PHC2: variants seen among roughly 807,000 people sequenced by gnomAD.
The protein encoded by PHC2 is polyhomeotic-like protein 2.
A neutral mutation model predicts 87.4 loss-of-function variants in PHC2; 29 were observed. The observed-to-expected ratio is 0.33, with a 90% CI of 0.25 to 0.45. The LOEUF is 0.45. PHC2 is among the 20% of genes least tolerant of loss of function. PHC2 has a pLI of 1.00. For synonymous variants in PHC2, 438 were observed against 461.7 expected (o/e 0.95, Z 0.66); for missense variants, 857 against 1,136.7 (o/e 0.75, Z 3.54).
At position 33,395,583 on chromosome 1, in the gene PHC2, G is replaced by C. The variant is rs111943817; in HGVS notation, c.-54-19990C>G. Reference sequence around the variant, plus strand: ...ATTAAGAAAAGATGAACTGATGATGGATGGGGGATGGACAGTTGGACAGAT... The same window carrying C: ...ATTAAGAAAAGATGAACTGATGATGCATGGGGGATGGACAGTTGGACAGAT... On this transcript the variant is annotated intron_variant, in intron 1 of 14. Coordinates refer to ENST00000683057, the MANE Select transcript of PHC2 (RefSeq NM_001385109.1). Among the ~76,000 whole-genome samples, 823 of 152,290 alleles carry C rather than the reference G, an allele frequency of 5.4e-3. 12 individuals are homozygous for C. Among genetic ancestry groups the C allele is most frequent in the African/African-American group, 0.019 (789 of 41,552 alleles).
chr1:33,326,165 T>G, intron 14 of PHC2: 1 of 221,602 alleles, frequency 4.5e-6, no homozygotes, highest in Non-Finnish European at 9.4e-6. Flanking sequence ...CACAGTAAAA[T>G]AGGAGAGAGA....
In PHC2 at chr1:33,368,848, C is replaced by T. The variant is rs888677391; in HGVS notation, c.577-226G>A. On this transcript the variant is annotated intron_variant, in intron 5 of 14. Transcript: ENST00000683057. This position sits in a 1 kb window ranked among gnomAD's most constrained non-coding sequence, Gnocchi z 6.6. Reference sequence around the variant, plus strand: ...GAGCGCCTGCCTTTCTCTAGAGGCTCGTTGCATCCTGACCCAGGCTGGGTG... The same window carrying T: ...GAGCGCCTGCCTTTCTCTAGAGGCTTGTTGCATCCTGACCCAGGCTGGGTG... Among the ~76,000 whole-genome samples, 1 of 151,498 alleles carries T rather than the reference C, an allele frequency of 6.6e-6. No homozygotes were observed. The highest frequency in any genetic ancestry group is 2.4e-5 in the African/African-American group (1 of 41,378).
chr1:33,346,659 C>A (rs941387238), intron 9 of PHC2: 22 of 985,126 alleles, frequency 2.2e-5, no homozygotes, highest in African/African-American at 3.5e-5. Flanking sequence ...GTTTTTTAAA[C>A]TTTAACTTTA....
intron 1 of PHC2, among the ~76,000 whole-genome samples, chr1:33,399,385 T>C (rs1649424875): frequency 1.3e-5 from 2 of 152,140 alleles, no homozygotes; most frequent in Non-Finnish European, 2.9e-5. Context: ...CTGCCCCCAT[T>C]TGGAAAAAGT....
At chr1:33,410,148 A>T (rs544091584) in intron 1 of PHC2, among the ~76,000 whole-genome samples, 1 of 152,336 alleles carries the variant, frequency 6.6e-6, no homozygotes, top group East Asian at 1.9e-4. Context: ...TGGAATTTCC[A>T]GGAAAAACAT....
intron 7 of PHC2, among the ~76,000 whole-genome samples, chr1:33,361,655 T>C (rs1647197508): frequency 6.6e-6 from 1 of 152,248 alleles, no homozygotes; most frequent in Admixed American, 6.5e-5. Flanking sequence ...AGTGAAGGTT[T>C]TTAAACAAGA....
Position 33,430,990 on chromosome 1 carries a change from G to A in PHC2, c.-69C>T, listed in dbSNP as rs1213586604. On this transcript the variant is annotated 5_prime_UTR_variant, in exon 1 of 15. Coordinates refer to ENST00000683057, the MANE Select transcript of PHC2 (RefSeq NM_001385109.1). Reference sequence around the variant, plus strand: ...CCGCCCGTTACCTGCGGTCGCCTCCGCGCTCCTCCTCCACCTGGCCGCTCT... The same window carrying A: ...CCGCCCGTTACCTGCGGTCGCCTCCACGCTCCTCCTCCACCTGGCCGCTCT... 2.6e-5 allele frequency: 4 copies of A among 151,844 alleles called. No homozygotes were observed. Among genetic ancestry groups the A allele is most frequent in the African/African-American group, 9.7e-5 (4 of 41,364 alleles). The allele number at this position is 151,844 out of a possible 1,614,324, so 9.4% of individuals were successfully genotyped here.
Position 33,324,797 on chromosome 1 carries a change from G to T in PHC2, c.*68C>A. On this transcript the variant is annotated 3_prime_UTR_variant, in exon 15 of 15. Coordinates refer to ENST00000683057, the MANE Select transcript of PHC2 (RefSeq NM_001385109.1). ...CCGGCCCCATTTCTGGGCCCCTCAG[G>T]AATGTCTGTCTGGCTCTGCTCAGTC... 6.6e-7 allele frequency: 1 copy of T among 1,509,174 alleles called. No homozygotes were observed. The highest frequency in any genetic ancestry group is 8.9e-7 in the Non-Finnish European group (1 of 1,121,106). 93.5% of individuals were successfully genotyped at this position (1,509,174 alleles called of 1,614,324 possible). A position where few individuals can be genotyped will look rare whatever the true frequency, so the allele number is the denominator to read the frequency against.
At position 33,332,486 on chromosome 1, in the gene PHC2, A is replaced by G; in HGVS notation, c.1762-82T>C. 1 of 1,523,766 alleles carries G rather than the reference A, an allele frequency of 6.6e-7. No individual in the cohort carries two copies. Among genetic ancestry groups the G allele is most frequent in the South Asian group, 1.1e-5 (1 of 88,364 alleles). 94.4% of individuals were successfully genotyped at this position (1,523,766 alleles called of 1,614,324 possible). On this transcript the variant is annotated intron_variant, in intron 10 of 14. Transcript: ENST00000683057. The surrounding 1 kb of genome is among the most constrained non-coding windows in gnomAD (Gnocchi z 4.2). ...ATCCATCCTCATCACAATTACACGTATAAAGTATCCAGGCACAGAGGCCAG... is the reference window on the plus strand; with the variant it reads ...ATCCATCCTCATCACAATTACACGTGTAAAGTATCCAGGCACAGAGGCCAG...
intron 7 of PHC2, among the ~76,000 whole-genome samples, chr1:33,356,291 A>ATG (rs1553185711): frequency 1.4e-5 from 2 of 139,594 alleles, no homozygotes; most frequent in Non-Finnish European, 3.1e-5. Flanking sequence ...ATATATATAT[A>ATG]TATTTATTTA....
At chr1:33,395,789 T>G (rs560869813) in intron 1 of PHC2, among the ~76,000 whole-genome samples, 124 of 152,274 alleles carry the variant, frequency 8.1e-4, no homozygotes, top group South Asian at 1.9e-3. Flanking sequence ...AAATTTCAAT[T>G]ATCTTAGTTG....
intron 13 of PHC2, among the ~76,000 whole-genome samples, chr1:33,329,770 A>G (rs1229202690): frequency 6.6e-6 from 1 of 152,188 alleles, no homozygotes; most frequent in Non-Finnish European, 1.5e-5. Flanking sequence ...AGGTTACCTG[A>G]GCAGCCCAGG....
intron 1 of PHC2, among the ~76,000 whole-genome samples, chr1:33,417,430 A>T (rs1470877457): frequency 6.6e-6 from 1 of 152,172 alleles, no homozygotes; most frequent in Non-Finnish European, 1.5e-5. Flanking sequence ...TAAAAGTAAA[A>T]TGGTGGAAAA....
At chr1:33,396,831 T>C (rs1035370800) in intron 1 of PHC2, among the ~76,000 whole-genome samples, 10 of 152,178 alleles carry the variant, frequency 6.6e-5, no homozygotes, top group Admixed American at 3.9e-4. Flanking sequence ...ATGCATTTCT[T>C]TGGAGGAGAC....
chr1:33,421,033 T>A (rs191586300), intron 1 of PHC2, among the ~76,000 whole-genome samples: 1 of 152,244 alleles, frequency 6.6e-6, no homozygotes, highest in Non-Finnish European at 1.5e-5. Context: ...ACAATTATCA[T>A]CTATGAGCAC....
chr1:33,350,730 T>C (rs574450740), intron 9 of PHC2, among the ~76,000 whole-genome samples: 1 of 151,914 alleles, frequency 6.6e-6, no homozygotes, highest in East Asian at 1.9e-4. Flanking sequence ...CCCTTTCCAC[T>C]CTCAGGCCTC....
chr1:33,379,597 C>T lies in PHC2; in HGVS notation c.-54-4004G>A, dbSNP rs372320587. 3.1e-4 allele frequency among the ~76,000 whole-genome samples: 45 copies of T among 147,298 alleles called. No homozygotes were observed. The South Asian group carries it at 4.3e-3, about 14-fold the overall frequency. On this transcript the variant is annotated intron_variant, in intron 1 of 14. Transcript: ENST00000683057. ...TCCCTGCCCCTGGTCCCTGCCATCTCTCACACCTGTGCCCATGCTCCCTTT... is the reference window on the plus strand; with the variant it reads ...TCCCTGCCCCTGGTCCCTGCCATCTTTCACACCTGTGCCCATGCTCCCTTT...
In PHC2 at chr1:33,349,691, C is replaced by A; in HGVS notation, c.1558+4710G>T. On this transcript the variant is annotated intron_variant, in intron 9 of 14. Transcript: ENST00000683057. This position sits in a 1 kb window ranked among gnomAD's most constrained non-coding sequence, Gnocchi z 4.2. ...CGGGGTCCCGGGCCCGGGCGGGCCG[C>A]CTCCTCTCCGCCGGGAGCCTCCGAG... The A allele has an allele frequency of 1.0e-6, 1 of 987,404 alleles. No individual in the cohort carries two copies. Among genetic ancestry groups the A allele is most frequent in the South Asian group, 4.6e-5 (1 of 21,970 alleles). 61.2% of individuals were successfully genotyped at this position (987,404 alleles called of 1,614,324 possible).
chr1:33,328,933 G>A lies in PHC2; in HGVS notation c.2362C>T (p.Leu788=). The part of the protein sequence containing the change: ...RDLVGMGHHF[L]PSEPTKWNVE... ...TTCCACTTGGTGGGCTCACTTGGCA[G>A]GAAGTGGTGTCCCATGCCCACCAGG... The change falls in exon 14 of 15, where the codon CTG becomes TTG. Residue 788 remains leucine, a synonymous_variant. Transcript: ENST00000683057. The A allele has an allele frequency of 1.9e-6, 3 of 1,614,068 alleles. No individual in the cohort carries two copies. The highest frequency in any genetic ancestry group is 1.1e-5 in the South Asian group (1 of 91,086).
Sources: allele counts gnomAD v4.1 joint callset (sites outside exome capture counted in the v4.1 genomes callset), GRCh38; gene constraint gnomAD v4.1.1; non-coding constraint Gnocchi (gnomAD v3.1); transcripts MANE v1.5; gene names NCBI Gene and HGNC (gene_info 2026-07-23, HGNC 2026-07-21).